Variants in PRKRIP1 observed in about 807,000 individuals in gnomAD.
The protein encoded by PRKRIP1 is PRKR interacting protein 1, also known as PRKR-interacting protein 1.
Under a neutral mutation model 29.3 loss-of-function variants are expected in PRKRIP1, and 29 were observed. That is an observed-to-expected ratio of 0.99 (90% CI 0.74 to 1.35). PRKRIP1 has a LOEUF of 1.35. Ranked by LOEUF, PRKRIP1 falls within the 40% of genes most tolerant of loss-of-function variation. PRKRIP1 has a pLI of 0.00. For synonymous variants in PRKRIP1, 90 were observed against 85.1 expected, an observed-to-expected ratio of 1.06 and a Z score of -0.32; for missense variants, 247 against 236.8, an observed-to-expected ratio of 1.04 and a Z score of -0.28.
chr7:102,399,691 G>A, intron 3 of PRKRIP1, 43 bp downstream of exon 3: 1 of 1,457,824 alleles, frequency 6.9e-7, no homozygotes, highest in Non-Finnish European at 9.6e-7. Flanking sequence ...TGTTTGGGCA[G>A]TGTGCGTGTA....
chr7:102,421,627 T>A (rs1796695816), intron 5 of PRKRIP1, among the ~76,000 whole-genome samples: 1 of 151,968 alleles, frequency 6.6e-6, no homozygotes, highest in Admixed American at 6.6e-5. Context: ...TGAAACCCCG[T>A]CTCTACTAAA....
chr7:102,400,362 A>G (rs1796032657), intron 3 of PRKRIP1, among the ~76,000 whole-genome samples: 1 of 152,210 alleles, frequency 6.6e-6, no homozygotes, highest in Admixed American at 6.5e-5. Flanking sequence ...ATATTGTAAT[A>G]TTTAGCCATA....
chr7:102,424,726 A>G (rs1210047692), intron 5 of PRKRIP1, among the ~76,000 whole-genome samples: 2 of 152,210 alleles, frequency 1.3e-5, no homozygotes, highest in Non-Finnish European at 2.9e-5. Context: ...AACTTGAGCC[A>G]TGTAAAAGTA....
At chr7:102,404,784 G>C (rs950260475) in intron 4 of PRKRIP1, 101 bp downstream of exon 4, 20 of 819,272 alleles carry the variant, frequency 2.4e-5, no homozygotes, top group Non-Finnish European at 3.8e-5. Context: ...ATGACCTGTA[G>C]GGGTCATGAA....
rs145996192 is a variant in PRKRIP1 at position 102,406,607 on chromosome 7, G to A, written c.393-827G>A. 9.4e-4 allele frequency among the ~76,000 whole-genome samples: 143 copies of A among 152,148 alleles called. 1 individual carries two copies. The highest frequency in any genetic ancestry group is 3.4e-3 in the African/African-American group (141 of 41,516). On this transcript the variant is annotated intron_variant, in intron 4 of 5. Coordinates refer to ENST00000397912, the MANE Select transcript of PRKRIP1 (RefSeq NM_024653.4). ...TGTAAGAGGATCAGCTTCCATGATTGCTCTCAATTTGTCATTGTCCAATGA... is the reference window on the plus strand; with the variant it reads ...TGTAAGAGGATCAGCTTCCATGATTACTCTCAATTTGTCATTGTCCAATGA...
Position 102,425,631 on chromosome 7 carries a change from G to C in PRKRIP1, c.*520G>C, listed in dbSNP as rs1796812115. 4.3e-6 allele frequency: 1 copy of C among 231,662 alleles called. No individual in the cohort carries two copies. The highest frequency in any genetic ancestry group is 8.6e-6 in the Non-Finnish European group (1 of 115,726). The allele number at this position is 231,662 out of a possible 1,614,324, so 14.4% of individuals were successfully genotyped here. ...CACTCCAGTGGGAAGTGGGGACCACGCCATAGAGGGTCTGCTCCCACTGCA... is the reference window on the plus strand; with the variant it reads ...CACTCCAGTGGGAAGTGGGGACCACCCCATAGAGGGTCTGCTCCCACTGCA... On this transcript the variant is annotated 3_prime_UTR_variant, in exon 6 of 6. Transcript: ENST00000397912.
Position 102,425,488 on chromosome 7 carries a change from T to G in PRKRIP1, c.*377T>G, listed in dbSNP as rs956327786. On this transcript the variant is annotated 3_prime_UTR_variant, in exon 6 of 6. Transcript: ENST00000397912. ...CATGTGGACCGTGAGTCGCAAACAC[T>G]CTGGAGAAGGCTGAGATGCCACCAT... 9.9e-6 allele frequency: 3 copies of G among 303,780 alleles called. No homozygotes were observed. Among genetic ancestry groups the G allele is most frequent in the Non-Finnish European group, 1.9e-5 (3 of 158,520 alleles). 18.8% of individuals were successfully genotyped at this position (303,780 alleles called of 1,614,324 possible). A position where few individuals can be genotyped will look rare whatever the true frequency, so the allele number is the denominator to read the frequency against.
At chr7:102,414,412 C>T (rs1371005272) in intron 5 of PRKRIP1, among the ~76,000 whole-genome samples, 1 of 152,172 alleles carries the variant, frequency 6.6e-6, no homozygotes, top group Non-Finnish European at 1.5e-5. Context: ...TATACACGTA[C>T]TGCTTAATGA....
Position 102,407,486 on chromosome 7 carries a change from A to C in PRKRIP1, c.445A>C (p.Lys149Gln). The C allele has an allele frequency of 6.2e-7, 1 of 1,612,854 alleles. No homozygotes were observed. The highest frequency in any genetic ancestry group is 8.5e-7 in the Non-Finnish European group (1 of 1,178,834). Reference sequence around the variant, plus strand: ...GGCAAAGAAGATGAAACTTGAACAGAAGAAACAAGAAGGTGAGTGGTGCCC... The same window carrying C: ...GGCAAAGAAGATGAAACTTGAACAGCAGAAACAAGAAGGTGAGTGGTGCCC... ...LLAKKMKLEQ[K>Q]KQEGPGQPKE... The change falls in exon 5 of 6, where the codon AAG becomes CAG. Residue 149 changes from lysine to glutamine, a missense_variant. Physicochemically the swap from Lys to Gln is moderately conservative, Grantham distance 53. This residue lies in a region of PRKRIP1 where 134 missense variants were observed against 126.6 expected (regional missense o/e 1.06). Coordinates refer to ENST00000397912, the MANE Select transcript of PRKRIP1 (RefSeq NM_024653.4).
intron 5 of PRKRIP1, among the ~76,000 whole-genome samples, chr7:102,418,022 TTTCTTC>T (rs139908003): frequency 0.89 from 124,880 of 141,050 alleles, 55,423 homozygotes; most frequent in East Asian, 0.96. Flanking sequence ...TGGCTGCTGC[TTTCTTC>T]TTCTTCTTCT....
rs782468737 is a variant in PRKRIP1, at chr7:102,425,115, T to C, written c.*4T>C. ...CAGTTTCACCATGGGGCGATGACAA[T>C]GTTTGCCACAGCCTCTGCCTGGAAC... is the stretch of plus-strand genomic sequence containing the variant. On this transcript the variant is annotated 3_prime_UTR_variant, in exon 6 of 6. Coordinates refer to ENST00000397912, the MANE Select transcript of PRKRIP1 (RefSeq NM_024653.4). The C allele has an allele frequency of 4.3e-6, 7 of 1,610,528 alleles. No homozygotes were observed. In the South Asian group the frequency reaches 5.5e-5, roughly 13 times the overall value.
chr7:102,416,176 T>C (rs1796532608), intron 5 of PRKRIP1, among the ~76,000 whole-genome samples: 1 of 152,252 alleles, frequency 6.6e-6, no homozygotes, highest in African/African-American at 2.4e-5. Flanking sequence ...TCAGATAAGG[T>C]GCTTGTCCAT....
At chr7:102,403,971 C>T (rs1052356417) in intron 3 of PRKRIP1, among the ~76,000 whole-genome samples, 1 of 152,114 alleles carries the variant, frequency 6.6e-6, no homozygotes, top group Non-Finnish European at 1.5e-5. Flanking sequence ...TTAAAACCAG[C>T]CTGGACAACA....
Position 102,396,675 on chromosome 7 carries a change from G to GGGA in PRKRIP1, c.126+149_126+151dup, listed in dbSNP as rs1159979481. 1.7e-5 allele frequency: 15 copies of GGGA among 879,178 alleles called. No homozygotes were observed. In the Admixed American group the frequency reaches 2.6e-4, roughly 15 times the overall value. The allele number at this position is 879,178 out of a possible 1,614,324, so 54.5% of individuals were successfully genotyped here. A position where few individuals can be genotyped will look rare whatever the true frequency, so the allele number is the denominator to read the frequency against. ...TCCGACCCTCCAAGAGCAGTCTTTG[G>GGGA]GGAGGAGGAGGAGAAGGAGGCTGTC... On this transcript the variant is annotated intron_variant, in intron 1 of 5. Transcript: ENST00000397912.
chr7:102,404,245 CCATT>C (rs1455405155), intron 3 of PRKRIP1: 1 of 181,080 alleles, frequency 5.5e-6, no homozygotes, highest in Non-Finnish European at 1.2e-5. Flanking sequence ...GACCCTCCGG[CCATT>C]CATTCTGATG....
At chr7:102,417,500 C>G (rs1323589934) in intron 5 of PRKRIP1, among the ~76,000 whole-genome samples, 10 of 151,886 alleles carry the variant, frequency 6.6e-5, no homozygotes, top group African/African-American at 2.4e-4. Flanking sequence ...TCATTTTGTA[C>G]TTGATAGTCC....
intron 5 of PRKRIP1, among the ~76,000 whole-genome samples, chr7:102,413,619 A>G (rs1376779996): frequency 2.0e-5 from 3 of 152,200 alleles, no homozygotes; most frequent in African/African-American, 7.2e-5. Flanking sequence ...AATATAAGTT[A>G]TCTGTAACCT....
At chr7:102,418,668 C>T (rs1209699849) in intron 5 of PRKRIP1, among the ~76,000 whole-genome samples, 3 of 152,118 alleles carry the variant, frequency 2.0e-5, no homozygotes, top group African/African-American at 7.2e-5. Flanking sequence ...TTGCTACCAC[C>T]ATCCACTAGC....
chr7:102,415,497 A>G (rs1267231064), intron 5 of PRKRIP1, among the ~76,000 whole-genome samples: 1 of 152,218 alleles, frequency 6.6e-6, no homozygotes, highest in Non-Finnish European at 1.5e-5. Context: ...TGGCCTCCCA[A>G]AGCGCTGGGA....
Sources: allele counts gnomAD v4.1 joint callset (sites outside exome capture counted in the v4.1 genomes callset), GRCh38; gene constraint gnomAD v4.1.1; regional missense constraint gnomAD v4.1.1; transcripts MANE v1.5; gene names NCBI Gene and HGNC (gene_info 2026-07-23, HGNC 2026-07-21).